GRID2: variants seen among roughly 807,000 people sequenced by gnomAD.
The protein encoded by GRID2 is glutamate receptor ionotropic, delta-2.
A neutral mutation model predicts 114.8 loss-of-function variants in GRID2; 33 were observed. The observed-to-expected ratio is 0.29, with a 90% CI of 0.22 to 0.38. The LOEUF is 0.38. Ranked by LOEUF, GRID2 falls within the 10% of genes least tolerant of loss-of-function variation. The pLI is 1.00. For missense variants in GRID2, 1,184 were observed against 1,257.7 expected, an observed-to-expected ratio of 0.94 and a Z score of 0.89; for synonymous variants, 505 against 449.9, an observed-to-expected ratio of 1.12 and a Z score of -1.55.
At chr4:92,759,417 A>G (rs925085040) in intron 2 of GRID2, among the ~76,000 whole-genome samples, 8 of 151,940 alleles carry the variant, frequency 5.3e-5, no homozygotes, top group African/African-American at 1.9e-4. Flanking sequence ...AATCCCATTC[A>G]TATTTAAGGC....
At chr4:92,976,703 C>A (rs562282251) in intron 2 of GRID2, among the ~76,000 whole-genome samples, 1 of 152,198 alleles carries the variant, frequency 6.6e-6, no homozygotes, top group African/African-American at 2.4e-5. Context: ...CTATACTTCT[C>A]CCTATATTAG....
chr4:93,013,626 G>T (rs1722402394), intron 2 of GRID2, among the ~76,000 whole-genome samples: 1 of 151,852 alleles, frequency 6.6e-6, no homozygotes. Flanking sequence ...TAGTATACAT[G>T]TATGTATTGC....
At chr4:92,573,023 A>G (rs982689141) in intron 1 of GRID2, among the ~76,000 whole-genome samples, 1 of 151,930 alleles carries the variant, frequency 6.6e-6, no homozygotes, top group Non-Finnish European at 1.5e-5. Flanking sequence ...CTGTTCAAGC[A>G]TTCCGTTTCT....
chr4:93,007,311 T>C (rs1721642700), intron 2 of GRID2, among the ~76,000 whole-genome samples: 1 of 152,028 alleles, frequency 6.6e-6, no homozygotes. Context: ...CTTAAATATG[T>C]TCTAGAAAAA....
At chr4:93,302,308 C>G (rs570351925) in intron 8 of GRID2, among the ~76,000 whole-genome samples, 2 of 152,176 alleles carry the variant, frequency 1.3e-5, no homozygotes, top group Non-Finnish European at 2.9e-5. Context: ...ATACTGTCTT[C>G]TCTATAGGAA....
chr4:93,571,002 A>C (rs2149579288), intron 13 of GRID2, among the ~76,000 whole-genome samples: 1 of 152,268 alleles, frequency 6.6e-6, no homozygotes, highest in Non-Finnish European at 1.5e-5. Flanking sequence ...CATTCATTTA[A>C]CAGCTATTTA....
intron 2 of GRID2, among the ~76,000 whole-genome samples, chr4:92,869,025 C>G (rs1241455944): frequency 6.6e-6 from 1 of 152,080 alleles, no homozygotes; most frequent in Non-Finnish European, 1.5e-5. Context: ...TCTGTGGCCT[C>G]TAAAGGAAAT....
intron 3 of GRID2, among the ~76,000 whole-genome samples, chr4:93,095,063 CAA>C (rs1229532568): frequency 6.6e-6 from 1 of 151,572 alleles, no homozygotes; most frequent in Admixed American, 6.6e-5. Flanking sequence ...AGAAAGTTAA[CAA>C]AGTCTAAAAT....
chr4:93,521,143 G>T (rs545588632), intron 13 of GRID2, among the ~76,000 whole-genome samples: 52 of 152,244 alleles, frequency 3.4e-4, no homozygotes, highest in African/African-American at 1.2e-3. Flanking sequence ...GCTTACGTAG[G>T]TGGAGGGATG....
chr4:92,892,781 G>A (rs547236747), intron 2 of GRID2, among the ~76,000 whole-genome samples: 1 of 152,248 alleles, frequency 6.6e-6, no homozygotes, highest in East Asian at 1.9e-4. Context: ...ATAGTATGTG[G>A]TCTTGCCAAA....
chr4:92,365,772 T>C (rs570336731), intron 1 of GRID2, among the ~76,000 whole-genome samples: 3 of 152,160 alleles, frequency 2.0e-5, no homozygotes, highest in South Asian at 2.1e-4. Flanking sequence ...ATGACTTGTT[T>C]ATAAAATAAT....
intron 2 of GRID2, among the ~76,000 whole-genome samples, chr4:92,922,427 T>C (rs1749439492): frequency 6.6e-6 from 1 of 152,132 alleles, no homozygotes; most frequent in Non-Finnish European, 1.5e-5. Context: ...TCACCCATCC[T>C]CTGTGTCGCT....
chr4:93,691,445 T>A (rs1293928278), intron 14 of GRID2, among the ~76,000 whole-genome samples: 4 of 151,968 alleles, frequency 2.6e-5, no homozygotes, highest in African/African-American at 9.7e-5. Context: ...CCAAGGAGAG[T>A]AGCAAGGTAT....
At position 92,316,588 on chromosome 4, in the gene GRID2, A is replaced by G. The variant is rs551105277; in HGVS notation, c.88+11844A>G. ...TATAAGAATACAGATCATTGAAACA[A>G]GACACGTTTCATATCCTTAGAACTT... On this transcript the variant is annotated intron_variant, in intron 1 of 15. Coordinates refer to ENST00000282020, the MANE Select transcript of GRID2 (RefSeq NM_001510.4). Among the ~76,000 whole-genome samples, 139 of 152,312 alleles carry G rather than the reference A, an allele frequency of 9.1e-4. 4 individuals are homozygous for G. Among genetic ancestry groups the G allele is most frequent in the East Asian group, 1.5e-3 (8 of 5,186 alleles).
intron 2 of GRID2, among the ~76,000 whole-genome samples, chr4:93,070,610 G>T (rs1172665026): frequency 6.6e-6 from 1 of 151,978 alleles, no homozygotes; most frequent in Admixed American, 6.6e-5. Flanking sequence ...AGAAAAAAGA[G>T]AAACCATAAT....
At chr4:93,352,850 G>T (rs1442746067) in intron 8 of GRID2, among the ~76,000 whole-genome samples, 1 of 151,964 alleles carries the variant, frequency 6.6e-6, no homozygotes, top group Non-Finnish European at 1.5e-5. Context: ...TTGGACCAAA[G>T]CTTGACTACC....
intron 8 of GRID2, among the ~76,000 whole-genome samples, chr4:93,257,993 TATATATACACACAC>T (rs1310964280): frequency 8.1e-5 from 2 of 24,838 alleles, no homozygotes; most frequent in African/African-American, 1.5e-4. Context: ...TATATATATA[TATATATACACACAC>T]ACACACACAC....
At chr4:92,922,865 C>T (rs866820825) in intron 2 of GRID2, among the ~76,000 whole-genome samples, 13 of 152,214 alleles carry the variant, frequency 8.5e-5, no homozygotes, top group South Asian at 2.1e-4. Context: ...TGCTGTTAGA[C>T]GTTAGAATAG....
intron 2 of GRID2, among the ~76,000 whole-genome samples, chr4:92,680,430 CAT>C (rs549919172): frequency 8.3e-4 from 126 of 152,144 alleles, no homozygotes; most frequent in Non-Finnish European, 1.4e-3. Flanking sequence ...ATTGTGATCA[CAT>C]GTTAAGTGTG....
Sources: allele counts gnomAD v4.1 joint callset (sites outside exome capture counted in the v4.1 genomes callset), GRCh38; gene constraint gnomAD v4.1.1; transcripts MANE v1.5; gene names NCBI Gene and HGNC (gene_info 2026-07-23, HGNC 2026-07-21).